The following YY1 variants were observed in gnomAD, a reference collection of about 807,000 sequenced individuals.
The protein encoded by YY1 is transcriptional repressor protein YY1.
Under a neutral mutation model 35.6 loss-of-function variants are expected in YY1, and 2 were observed. The observed-to-expected ratio is 0.06, with a 90% CI of 0.02 to 0.18. The LOEUF (loss-of-function observed/expected upper bound fraction) is 0.18. YY1 is among the 10% of genes least tolerant of loss of function. The pLI is 1.00. For synonymous variants in YY1, 268 were observed against 238.9 expected (o/e 1.12, Z -1.12); for missense variants, 322 against 573.4 (o/e 0.56, Z 4.48).
At position 100,261,333 on chromosome 14, in the gene YY1, C is replaced by T. The variant is rs550010156; in HGVS notation, c.680-971C>T. Among the ~76,000 whole-genome samples the T allele has an allele frequency of 3.9e-5, 6 of 152,116 alleles. No homozygotes were observed. In the South Asian group the frequency reaches 1.0e-3, roughly 26 times the overall value. On this transcript the variant is annotated intron_variant, in intron 1 of 4. Transcript: ENST00000262238. ...CCTCCTGAGTAGCTGGTATTACAGG[C>T]ATGCACCACCATGCCTGGCTAATTT... is the stretch of plus-strand genomic sequence containing the variant.
In YY1 at chr14:100,272,961, T is replaced by TTTG. The variant is rs747444440; in HGVS notation, c.843-1735_843-1734insGTT. Among the ~76,000 whole-genome samples the TTTG allele has an allele frequency of 3.0e-5, 4 of 132,594 alleles. No homozygotes were observed. The South Asian group carries it at 9.3e-4, about 31-fold the overall frequency. 87.0% of individuals were successfully genotyped at this position (132,594 alleles called of 152,430 possible). A position where few individuals can be genotyped will look rare whatever the true frequency, so the allele number is the denominator to read the frequency against. ...CCCAGCTAGTTTTTTGTTGTTTTTT[T>TTTG]TTTGTTTTTTTTTTTTTGAGACGGT... On this transcript the variant is annotated intron_variant, in intron 2 of 4. Transcript: ENST00000262238.
chr14:100,249,228 C>T (rs931534499), intron 1 of YY1, among the ~76,000 whole-genome samples: 1 of 146,594 alleles, frequency 6.8e-6, no homozygotes, highest in Non-Finnish European at 1.5e-5. Context: ...TCAAGCGATT[C>T]TCCTGCCTCA....
intron 1 of YY1, among the ~76,000 whole-genome samples, chr14:100,246,867 A>T (rs1417068918): frequency 1.3e-5 from 2 of 152,168 alleles, no homozygotes; most frequent in Non-Finnish European, 2.9e-5. Flanking sequence ...CTTCACCCCC[A>T]TGACCTACAT....
chr14:100,275,631 C>G (rs1380068798), intron 3 of YY1: 1 of 152,218 alleles, frequency 6.6e-6, no homozygotes, highest in Non-Finnish European at 1.5e-5. Context: ...TGCATGTATA[C>G]ATTGTGTACC....
chr14:100,277,647 A>G lies in YY1; in HGVS notation c.*47A>G, dbSNP rs1891342338. ...TCGACCACGGGAAGCATCTTCCAGAAGTGTGATTGGGAATAAATATGCCTC... is the reference window on the plus strand; with the variant it reads ...TCGACCACGGGAAGCATCTTCCAGAGGTGTGATTGGGAATAAATATGCCTC... On this transcript the variant is annotated 3_prime_UTR_variant, in exon 5 of 5. Coordinates refer to ENST00000262238, the MANE Select transcript of YY1 (RefSeq NM_003403.5). This position sits in a 1 kb window ranked among gnomAD's most constrained non-coding sequence, Gnocchi z 5.6. The G allele has an allele frequency of 1.3e-6, 2 of 1,590,170 alleles. No homozygotes were observed. Among genetic ancestry groups the G allele is most frequent in the African/African-American group, 2.7e-5 (2 of 74,334 alleles).
chr14:100,244,767 G>T (rs148078464), intron 1 of YY1, among the ~76,000 whole-genome samples: 1 of 151,840 alleles, frequency 6.6e-6, no homozygotes, highest in East Asian at 1.9e-4. Flanking sequence ...TCCTTATGTT[G>T]CCCAGGCTGG....
chr14:100,247,464 C>T (rs1890851013), intron 1 of YY1, among the ~76,000 whole-genome samples: 1 of 151,830 alleles, frequency 6.6e-6, no homozygotes, highest in Admixed American at 6.6e-5. Flanking sequence ...TCATTGCAGC[C>T]TCGACCTCCT....
In YY1 at chr14:100,254,940, ATTTTTTTT is replaced by A. The variant is rs35165026; in HGVS notation, c.680-7342_680-7335del. ...AAGCGCCCGCCACCACGCCCAGCTA[ATTTTTTTT>A]TTTTTTTTTTTTTTTTTTTTTGGTA... On this transcript the variant is annotated intron_variant, in intron 1 of 4. Coordinates refer to ENST00000262238, the MANE Select transcript of YY1 (RefSeq NM_003403.5). Among the ~76,000 whole-genome samples the A allele has an allele frequency of 1.1e-3, 34 of 29,588 alleles. 1 individual carries two copies. The East Asian group carries it at 0.038, about 33-fold the overall frequency. 19.4% of individuals were successfully genotyped at this position (29,588 alleles called of 152,430 possible).
intron 1 of YY1, among the ~76,000 whole-genome samples, chr14:100,241,090 A>G (rs1239929238): frequency 6.6e-6 from 1 of 152,208 alleles, no homozygotes. Context: ...GGCAATTATT[A>G]ATTCAATGCT....
At position 100,262,476 on chromosome 14, in the gene YY1, A is replaced by G. The variant is rs753973155; in HGVS notation, c.842+10A>G. 2 of 1,613,840 alleles carry G rather than the reference A, an allele frequency of 1.2e-6. No homozygotes were observed. The highest frequency in any genetic ancestry group is 8.5e-7 in the Non-Finnish European group (1 of 1,179,816). ...TGGCAGAATTTGCTAGGTAAGTTAT[A>G]AGAACTTTCCTTTCTTTTAATTATA... On this transcript the variant is annotated intron_variant, in intron 2 of 4. Coordinates refer to ENST00000262238, the MANE Select transcript of YY1 (RefSeq NM_003403.5).
intron 1 of YY1, 109 bp from the exon 2 acceptor site, chr14:100,262,195 G>T: frequency 1.2e-5 from 14 of 1,142,110 alleles, no homozygotes; most frequent in Non-Finnish European, 1.6e-5. Flanking sequence ...AGAACAAATT[G>T]AGCTGGTGGC....
intron 2 of YY1, among the ~76,000 whole-genome samples, chr14:100,266,554 G>T (rs894899995): frequency 6.6e-6 from 1 of 152,076 alleles, no homozygotes; most frequent in Non-Finnish European, 1.5e-5. Context: ...AGGGACACAT[G>T]TTACTGTTGG....
chr14:100,277,450 A>G lies in YY1; in HGVS notation c.1095A>G (p.Ser365=), dbSNP rs1891339962. The change falls in exon 5 of 5, where the codon TCA becomes TCG. Residue 365 remains serine, a synonymous_variant. Transcript: ENST00000262238. This position sits in a 1 kb window ranked among gnomAD's most constrained non-coding sequence, Gnocchi z 5.6. ...CTFEGCGKRF[S]LDFNLRTHVR... ...TCGAAGGCTGTGGGAAACGCTTTTC[A>G]CTGGACTTCAATTTGCGCACACATG... The G allele has an allele frequency of 6.2e-7, 1 of 1,614,232 alleles. No individual in the cohort carries two copies. Among genetic ancestry groups the G allele is most frequent in the Non-Finnish European group, 8.5e-7 (1 of 1,180,044 alleles).
intron 1 of YY1, among the ~76,000 whole-genome samples, chr14:100,241,076 C>T (rs979428942): frequency 2.1e-4 from 32 of 152,222 alleles, no homozygotes; most frequent in African/African-American, 7.2e-4. Flanking sequence ...GTTTTTACTT[C>T]AAAGGCAATT....
chr14:100,262,516 C>A, intron 2 of YY1, 50 bp downstream of exon 2: 1 of 1,588,218 alleles, frequency 6.3e-7, no homozygotes, highest in South Asian at 1.1e-5. Context: ...GTGCTTGAGT[C>A]TTGCCAGCTA....
intron 2 of YY1, among the ~76,000 whole-genome samples, chr14:100,268,357 G>A (rs1595330789): frequency 6.6e-6 from 1 of 152,348 alleles, no homozygotes; most frequent in African/African-American, 2.4e-5. Context: ...AAGGTGGACA[G>A]TCTATGGATG....
At chr14:100,272,020 C>T (rs1015788421) in intron 2 of YY1, among the ~76,000 whole-genome samples, 1 of 151,888 alleles carries the variant, frequency 6.6e-6, no homozygotes, top group African/African-American at 2.4e-5. Flanking sequence ...CGAATATCTA[C>T]AGGGTTGGGA....
chr14:100,262,710 G>A (rs911241860), intron 2 of YY1, among the ~76,000 whole-genome samples: 3 of 150,348 alleles, frequency 2.0e-5, no homozygotes, highest in Non-Finnish European at 3.0e-5. Flanking sequence ...TCTGCCTCCC[G>A]GGTTCAAGCA....
At chr14:100,256,789 A>G (rs1891011525) in intron 1 of YY1, among the ~76,000 whole-genome samples, 1 of 152,172 alleles carries the variant, frequency 6.6e-6, no homozygotes, top group Non-Finnish European at 1.5e-5. Flanking sequence ...TTCTGAATGT[A>G]TTAAATGGCA....
Sources: gnomAD v4.1 joint callset for allele counts (sites outside exome capture counted in the v4.1 genomes callset) on GRCh38, gnomAD v4.1.1 for gene constraint, Gnocchi (gnomAD v3.1) non-coding constraint, MANE v1.5 for transcripts, NCBI Gene and HGNC (gene_info 2026-07-23, HGNC 2026-07-21) for gene names.